The following COL4A1 variants were observed in gnomAD, a reference collection of about 807,000 sequenced individuals.
COL4A1 encodes the protein collagen alpha-1(IV) chain.
Under a neutral mutation model 216.6 loss-of-function variants are expected in COL4A1, and 40 were observed. That is an observed-to-expected ratio of 0.18 (90% CI 0.14 to 0.24). The LOEUF (loss-of-function observed/expected upper bound fraction) is 0.24, where lower values mean the gene tolerates loss of function less well. Among genes scored for constraint, COL4A1 ranks in the 10% least tolerant of loss-of-function variants. The pLI is 1.00. For missense variants in COL4A1, 1,628 were observed against 2,196.8 expected, an observed-to-expected ratio of 0.74 and a Z score of 5.18; for synonymous variants, 839 against 810.7, an observed-to-expected ratio of 1.03 and a Z score of -0.59.
At chr13:110,296,364 T>C (rs1186111975) in intron 1 of COL4A1, among the ~76,000 whole-genome samples, 2 of 152,248 alleles carry the variant, frequency 1.3e-5, no homozygotes, top group African/African-American at 2.4e-5. Context: ...ATAATCCCAA[T>C]ATTTTGTAAA....
At chr13:110,174,309 G>T in intron 39 of COL4A1, 137 bp downstream of exon 39, 1 of 918,510 alleles carries the variant, frequency 1.1e-6, no homozygotes, top group Non-Finnish European at 1.7e-6. Context: ...ACTAGACTCA[G>T]TTTGCCCATC....
Position 110,213,846 on chromosome 13 carries a change from C to G in COL4A1, c.235-20G>C. ...ATCACCCTGGAACAGAATAGAAATGCCATTGTCATTGATCACCGCTATCTC... is the reference window on the plus strand; with the variant it reads ...ATCACCCTGGAACAGAATAGAAATGGCATTGTCATTGATCACCGCTATCTC... On this transcript the variant is annotated intron_variant, in intron 3 of 51. Transcript: ENST00000375820. 1 of 1,614,040 alleles carries G rather than the reference C, an allele frequency of 6.2e-7. No individual in the cohort carries two copies. The highest frequency in any genetic ancestry group is 8.5e-7 in the Non-Finnish European group (1 of 1,179,932).
At chr13:110,198,323 TA>T in intron 21 of COL4A1, 143 bp downstream of exon 21, 1 of 845,326 alleles carries the variant, frequency 1.2e-6, no homozygotes, top group Non-Finnish European at 1.9e-6. Flanking sequence ...AAGATTCCCT[TA>T]GAGGAATATG....
chr13:110,306,849 G>T, intron 1 of COL4A1, 95 bp downstream of exon 1: 1 of 1,187,312 alleles, frequency 8.4e-7, no homozygotes. Flanking sequence ...GACCCCCGAG[G>T]GGCAGGCGGA....
intron 2 of COL4A1, among the ~76,000 whole-genome samples, chr13:110,219,789 T>A: frequency 7.0e-6 from 1 of 142,536 alleles, no homozygotes; most frequent in Non-Finnish European, 1.5e-5. Flanking sequence ...TGCGTATATA[T>A]GTGTATATAT....
intron 2 of COL4A1, among the ~76,000 whole-genome samples, chr13:110,237,852 A>G (rs1342167976): frequency 1.3e-5 from 2 of 152,194 alleles, no homozygotes; most frequent in Admixed American, 6.5e-5. Context: ...TAAAGCTACA[A>G]ACTGTTTGCC....
chr13:110,185,300 C>T (rs1344398958), intron 26 of COL4A1, among the ~76,000 whole-genome samples: 1 of 152,096 alleles, frequency 6.6e-6, no homozygotes, highest in African/African-American at 2.4e-5. Context: ...TGCCTGCCAC[C>T]ATGCCCAGCT....
intron 1 of COL4A1, among the ~76,000 whole-genome samples, chr13:110,257,162 T>C (rs1479742886): frequency 6.6e-6 from 1 of 152,216 alleles, no homozygotes; most frequent in Non-Finnish European, 1.5e-5. Flanking sequence ...CTTCTAAGGA[T>C]AATATTATCT....
chr13:110,203,113 T>C (rs1241287691), intron 18 of COL4A1, among the ~76,000 whole-genome samples: 1 of 151,810 alleles, frequency 6.6e-6, no homozygotes, highest in African/African-American at 2.4e-5. Flanking sequence ...CACGGGGGGC[T>C]GAGATGGGAG....
At chr13:110,205,598 C>T in intron 15 of COL4A1, 60 bp from the exon 16 acceptor site, 2 of 1,581,948 alleles carry the variant, frequency 1.3e-6, no homozygotes, top group Non-Finnish European at 1.7e-6. Context: ...CGCGGTGGCT[C>T]ATGCCTGTAA....
chr13:110,247,101 T>C (rs1025321678), intron 1 of COL4A1, among the ~76,000 whole-genome samples: 2 of 152,204 alleles, frequency 1.3e-5, no homozygotes, highest in African/African-American at 4.8e-5. Flanking sequence ...TTATTATTTA[T>C]ACTCCTAAAA....
At chr13:110,306,345 G>C (rs1489819291) in intron 1 of COL4A1, among the ~76,000 whole-genome samples, 2 of 152,188 alleles carry the variant, frequency 1.3e-5, no homozygotes, top group East Asian at 3.8e-4. Context: ...CTTCAAGCCG[G>C]GCGTCCAGAA....
In COL4A1 at chr13:110,265,636, A is replaced by G. The variant is rs2139282855; in HGVS notation, c.85-22902T>C. ...ACCCCAAACCAGGGAGCTGCATGCCAGTCCTGGCTTTCAGGAAAGGAGATC... is the reference window on the plus strand; with the variant it reads ...ACCCCAAACCAGGGAGCTGCATGCCGGTCCTGGCTTTCAGGAAAGGAGATC... On this transcript the variant is annotated intron_variant, in intron 1 of 51. Transcript: ENST00000375820. 1.3e-5 allele frequency: 2 copies of G among 152,370 alleles called. 1 individual carries two copies. Among genetic ancestry groups the G allele is most frequent in the South Asian group, 4.1e-4 (2 of 4,826 alleles). The allele number at this position is 152,370 out of a possible 1,614,324, so 9.4% of individuals were successfully genotyped here. A position where few individuals can be genotyped will look rare whatever the true frequency, so the allele number is the denominator to read the frequency against.
intron 2 of COL4A1, among the ~76,000 whole-genome samples, chr13:110,238,434 G>A (rs1020414468): frequency 4.6e-5 from 7 of 152,190 alleles, no homozygotes; most frequent in African/African-American, 9.7e-5. Flanking sequence ...GTCTTCACAT[G>A]TACGTGTGAC....
chr13:110,242,721 C>A lies in COL4A1; in HGVS notation c.98G>T (p.Gly33Val). 1.2e-6 allele frequency: 2 copies of A among 1,614,224 alleles called. No individual in the cohort carries two copies. The highest frequency in any genetic ancestry group is 1.1e-5 in the South Asian group (1 of 91,090). ...GCAGTCACATTTGCCACAGCCAGAG[C>A]CAGCACAGCCACCCTGGAAGGAAAA... ...SRAAAKGGCA[G>V]SGCGKCDCHG... The change falls in exon 2 of 52, where the codon GGC (glycine) becomes GTC (valine). Residue 33 changes from glycine to valine, a missense_variant. By Grantham distance (109) the Gly-to-Val change is moderately radical. Around this residue, in one of 8 missense-constraint regions of COL4A1, gnomAD observed 74 missense variants for 61.7 expected, o/e 1.20. Transcript: ENST00000375820.
At chr13:110,291,895 T>C (rs1478205857) in intron 1 of COL4A1, among the ~76,000 whole-genome samples, 2 of 152,176 alleles carry the variant, frequency 1.3e-5, no homozygotes, top group Non-Finnish European at 2.9e-5. Context: ...TTACTGAGCA[T>C]AGATTCTACA....
intron 2 of COL4A1, among the ~76,000 whole-genome samples, chr13:110,219,411 C>T (rs1273508054): frequency 6.6e-6 from 1 of 152,030 alleles, no homozygotes; most frequent in Non-Finnish European, 1.5e-5. Context: ...AACATTAAAG[C>T]AGCAAAGATT....
At chr13:110,219,852 ATATGTATATATG>A (rs1162461507) in intron 2 of COL4A1, among the ~76,000 whole-genome samples, 5 of 89,250 alleles carry the variant, frequency 5.6e-5, no homozygotes, top group Admixed American at 4.0e-4. Context: ...ATGTGTATAT[ATATGTATATATG>A]TGTGTGTATA....
chr13:110,170,741 GA>G lies in COL4A1; in HGVS notation c.3557-10del. On this transcript the variant is annotated splice_polypyrimidine_tract_variant and intron_variant, in intron 41 of 51. Transcript: ENST00000375820. Reference sequence around the variant, plus strand: ...CACCTCACCCTTTGAACCTGAACAAGAAAAACAGTTTGAGGTGATGGGAAAC... The same window carrying G: ...CACCTCACCCTTTGAACCTGAACAAGAAAACAGTTTGAGGTGATGGGAAAC... The G allele has an allele frequency of 6.2e-7, 1 of 1,614,150 alleles. No homozygotes were observed. The highest frequency in any genetic ancestry group is 8.5e-7 in the Non-Finnish European group (1 of 1,180,010).
Sources: gnomAD v4.1 joint callset for allele counts (sites outside exome capture counted in the v4.1 genomes callset) on GRCh38, gnomAD v4.1.1 for gene constraint, gnomAD v4.1.1 regional missense constraint, MANE v1.5 for transcripts, NCBI Gene and HGNC (gene_info 2026-07-23, HGNC 2026-07-21) for gene names.